The following PRKCA variants were observed in gnomAD, a reference collection of about 807,000 sequenced individuals.
PRKCA encodes the protein protein kinase C alpha, also known as protein kinase C alpha type.
PRKCA carries 27 observed loss-of-function variants against 87.0 expected under a neutral mutation model. The ratio of observed to expected loss-of-function variants is 0.31; its 90% CI spans 0.23 to 0.43. PRKCA has a LOEUF of 0.43. Ranked by LOEUF, PRKCA falls within the 20% of genes least tolerant of loss-of-function variation. The pLI, the probability that PRKCA is intolerant of heterozygous loss-of-function variation, is 1.00. For synonymous variants in PRKCA, 329 were observed against 311.1 expected (o/e 1.06, Z -0.61); for missense variants, 518 against 852.3 (o/e 0.61, Z 4.88).
intron 2 of PRKCA, among the ~76,000 whole-genome samples, chr17:66,403,085 G>A (rs1020116937): frequency 2.6e-5 from 4 of 152,124 alleles, no homozygotes; most frequent in African/African-American, 7.2e-5. Context: ...TTTTAACAGT[G>A]TTATATTAAG....
At chr17:66,303,989 G>A (rs79277327) in intron 1 of PRKCA, among the ~76,000 whole-genome samples, 14,467 of 152,114 alleles carry the variant, frequency 0.095, 981 homozygotes, top group Admixed American at 0.17. Flanking sequence ...GAGACAGAGC[G>A]AGATTCCGTC....
intron 3 of PRKCA, among the ~76,000 whole-genome samples, chr17:66,603,741 G>C (rs1160962693): frequency 6.6e-6 from 1 of 152,072 alleles, no homozygotes; most frequent in Non-Finnish European, 1.5e-5. Context: ...ATGAAGCTCT[G>C]TACTCATGAA....
At chr17:66,524,657 T>G (rs1333830014) in intron 3 of PRKCA, among the ~76,000 whole-genome samples, 2 of 152,218 alleles carry the variant, frequency 1.3e-5, no homozygotes, top group Non-Finnish European at 2.9e-5. Context: ...GGCCAGGTTC[T>G]CTTCTGTGCC....
intron 3 of PRKCA, among the ~76,000 whole-genome samples, chr17:66,579,352 A>G (rs1240404795): frequency 6.6e-6 from 1 of 152,184 alleles, no homozygotes; most frequent in South Asian, 2.1e-4. Flanking sequence ...AAGAGCCTGA[A>G]GAAAGATGTT....
intron 5 of PRKCA, 65 bp from the exon 6 acceptor site, chr17:66,687,046 A>T (rs1051437213): frequency 7.2e-7 from 1 of 1,397,828 alleles, no homozygotes; most frequent in African/African-American, 1.4e-5. Context: ...TGGTATTGAC[A>T]CAAGACAGCG....
In PRKCA at chr17:66,566,170, A is replaced by T. The variant is rs116488208; in HGVS notation, c.288+69887A>T. On this transcript the variant is annotated intron_variant, in intron 3 of 16. Transcript: ENST00000413366. ...TGGGCTAAGATGCACTCTTGAACAC[A>T]TTTCCTCTATGGCCCCTTTCAGATC... Among the ~76,000 whole-genome samples, 917 of 152,130 alleles carry T rather than the reference A, an allele frequency of 6.0e-3. 13 individuals carry two copies. The highest frequency in any genetic ancestry group is 0.018 in the African/African-American group (767 of 41,506).
rs564661971 is a variant in PRKCA, at chr17:66,775,848, G to C, written c.1605+1781G>C. On this transcript the variant is annotated intron_variant, in intron 14 of 16. Coordinates refer to ENST00000413366, the MANE Select transcript of PRKCA (RefSeq NM_002737.3). ...TTAACTTCGTGAAGCTTACAGCTTA[G>C]AGGAGGAGAGACAGCAGACAGGTTA... 4.2e-4 allele frequency: 341 copies of C among 811,826 alleles called. No individual in the cohort carries two copies. The African/African-American group carries it at 6.0e-3, about 14-fold the overall frequency. 50.3% of individuals were successfully genotyped at this position (811,826 alleles called of 1,614,324 possible).
chr17:66,583,231 A>G (rs914127726), intron 3 of PRKCA, among the ~76,000 whole-genome samples: 1 of 152,308 alleles, frequency 6.6e-6, no homozygotes, highest in South Asian at 2.1e-4. Flanking sequence ...GAGAAGTTAC[A>G]TATTAAGTGA....
chr17:66,494,072 C>T lies in PRKCA; in HGVS notation c.206-2129C>T, dbSNP rs1489839539. ...CTGGCCACTCACAGCCCTCTCAGTACTCTGGGCTCCTCTTGGGATTTCAGC... is the reference window on the plus strand; with the variant it reads ...CTGGCCACTCACAGCCCTCTCAGTATTCTGGGCTCCTCTTGGGATTTCAGC... On this transcript the variant is annotated intron_variant, in intron 2 of 16. Transcript: ENST00000413366. 4.6e-5 allele frequency among the ~76,000 whole-genome samples: 7 copies of T among 152,202 alleles called. No homozygotes were observed. The East Asian group carries it at 1.2e-3, about 25-fold the overall frequency.
chr17:66,544,055 A>G, intron 3 of PRKCA, among the ~76,000 whole-genome samples: 1 of 152,160 alleles, frequency 6.6e-6, no homozygotes, highest in East Asian at 1.9e-4. Context: ...GTACTAAAAA[A>G]AATACAAAAA....
intron 2 of PRKCA, among the ~76,000 whole-genome samples, chr17:66,377,744 A>G (rs1909545229): frequency 6.6e-5 from 1 of 15,216 alleles, no homozygotes; most frequent in African/African-American, 1.6e-4. Flanking sequence ...TTTTTTTTTG[A>G]GGCAGGACCT....
At chr17:66,515,044 A>G (rs978442806) in intron 3 of PRKCA, among the ~76,000 whole-genome samples, 5 of 152,078 alleles carry the variant, frequency 3.3e-5, no homozygotes, top group African/African-American at 1.2e-4. Flanking sequence ...TCACTAGGTC[A>G]GGAGATCAAG....
chr17:66,455,446 G>T (rs1277053626), intron 2 of PRKCA, among the ~76,000 whole-genome samples: 1 of 152,194 alleles, frequency 6.6e-6, no homozygotes, highest in Non-Finnish European at 1.5e-5. Flanking sequence ...AACTGGAGCT[G>T]CCAGGAAAAT....
rs148484731 is a variant in PRKCA at position 66,576,276 on chromosome 17, G to A, written c.289-65079G>A. ...GCGCGGTTGCTCTACCAAAGGATAT[G>A]TGCATGGGAAGATGAAGTAAAAGGA... On this transcript the variant is annotated intron_variant, in intron 3 of 16. Coordinates refer to ENST00000413366, the MANE Select transcript of PRKCA (RefSeq NM_002737.3). Among the ~76,000 whole-genome samples the A allele has an allele frequency of 4.1e-4, 63 of 152,354 alleles. 3 individuals carry two copies. Among genetic ancestry groups the A allele is most frequent in the Admixed American group, 1.2e-3 (19 of 15,298 alleles).
At chr17:66,629,632 C>T (rs759533689) in intron 3 of PRKCA, among the ~76,000 whole-genome samples, 17 of 152,104 alleles carry the variant, frequency 1.1e-4, no homozygotes, top group Non-Finnish European at 2.4e-4. Flanking sequence ...TCCTTTCCAA[C>T]TATGGTATTG....
chr17:66,394,959 A>G (rs1910578729), intron 2 of PRKCA, among the ~76,000 whole-genome samples: 1 of 152,204 alleles, frequency 6.6e-6, no homozygotes, highest in African/African-American at 2.4e-5. Flanking sequence ...TACCCTGGAA[A>G]GTCTCCCACT....
At chr17:66,363,040 G>T (rs369117290) in intron 2 of PRKCA, among the ~76,000 whole-genome samples, 34 of 152,286 alleles carry the variant, frequency 2.2e-4, no homozygotes, top group African/African-American at 8.2e-4. Context: ...TGTCAGAATA[G>T]CATCCTAGAG....
chr17:66,541,837 G>A (rs1441083571), intron 3 of PRKCA, among the ~76,000 whole-genome samples: 4 of 152,156 alleles, frequency 2.6e-5, no homozygotes, highest in African/African-American at 9.7e-5. Context: ...AGTCTCTGAG[G>A]ATTTTCTATC....
chr17:66,800,930 A>G (rs1433009824), intron 16 of PRKCA, among the ~76,000 whole-genome samples: 1 of 152,236 alleles, frequency 6.6e-6, no homozygotes, highest in Non-Finnish European at 1.5e-5. Context: ...AGAGAAGCAC[A>G]GATGATCTCT....
Sources: gnomAD v4.1 joint callset for allele counts (sites outside exome capture counted in the v4.1 genomes callset) on GRCh38, gnomAD v4.1.1 for gene constraint, MANE v1.5 for transcripts, NCBI Gene and HGNC (gene_info 2026-07-23, HGNC 2026-07-21) for gene names.